The following FREM2 variants were observed in gnomAD, a reference collection of about 807,000 sequenced individuals.
The protein encoded by FREM2 is FRAS1 related extracellular matrix 2.
A neutral mutation model predicts 219.9 loss-of-function variants in FREM2; 119 were observed. The ratio of observed to expected loss-of-function variants is 0.54; its 90% CI spans 0.47 to 0.63. FREM2 has a LOEUF of 0.63. FREM2 is among the 30% of genes least tolerant of loss of function. The pLI is 0.00. For synonymous variants in FREM2, 1,562 were observed against 1,522.8 expected, an observed-to-expected ratio of 1.03 and a Z score of -0.60; for missense variants, 4,030 against 3,993.6, an observed-to-expected ratio of 1.01 and a Z score of -0.25.
chr13:38,687,289 G>T lies in FREM2; in HGVS notation c.-56G>T. On this transcript the variant is annotated 5_prime_UTR_variant, in exon 1 of 24. Coordinates refer to ENST00000280481, the MANE Select transcript of FREM2 (RefSeq NM_207361.6). The stretch of plus-strand genomic sequence containing the variant: ...CGGCGGTGTCTCTTGTTGTCTGCCC[G>T]GGGACCGACTTCGCATGCTCTCAGG... The T allele has an allele frequency of 6.4e-7, 1 of 1,555,058 alleles. No homozygotes were observed. Among genetic ancestry groups the T allele is most frequent in the South Asian group, 1.2e-5 (1 of 84,482 alleles).
chr13:38,845,098 A>G (rs1039740081), intron 6 of FREM2, among the ~76,000 whole-genome samples: 68 of 152,354 alleles, frequency 4.5e-4, no homozygotes, highest in African/African-American at 1.6e-3. Context: ...TGTGAACAAA[A>G]TTTCTAAGGT....
intron 6 of FREM2, among the ~76,000 whole-genome samples, chr13:38,798,457 GA>G (rs1176354404): frequency 2.0e-5 from 3 of 151,994 alleles, no homozygotes; most frequent in African/African-American, 7.2e-5. Flanking sequence ...ATTTGGTTTT[GA>G]AATCAGGGTA....
intron 2 of FREM2, among the ~76,000 whole-genome samples, chr13:38,752,194 C>A (rs1018790546): frequency 1.3e-5 from 2 of 152,060 alleles, no homozygotes; most frequent in Non-Finnish European, 2.9e-5. Flanking sequence ...ATTGTCACTT[C>A]CCACCCTGCT....
intron 15 of FREM2, among the ~76,000 whole-genome samples, chr13:38,862,373 C>T (rs1877794290): frequency 6.6e-6 from 1 of 152,068 alleles, no homozygotes; most frequent in Non-Finnish European, 1.5e-5. Context: ...AATGTTGGTC[C>T]CTGAACCACC....
At position 38,689,969 on chromosome 13, in the gene FREM2, C is replaced by T. The variant is rs778948730; in HGVS notation, c.2625C>T (p.Gly875=). ...SFTLTQAPKH[G]HMRVSGQILH... ...CTCTCACTCAGGCACCCAAACATGG[C>T]CACATGAGAGTGTCTGGACAGATCC... Residue 875 remains glycine (G), a synonymous_variant, in exon 1 of 24, where the codon GGC becomes GGT. Coordinates refer to ENST00000280481, the MANE Select transcript of FREM2 (RefSeq NM_207361.6). 18 of 1,614,010 alleles carry T rather than the reference C, an allele frequency of 1.1e-5. No homozygotes were observed. Among genetic ancestry groups the T allele is most frequent in the Non-Finnish European group, 1.4e-5 (16 of 1,180,038 alleles).
Position 38,749,935 on chromosome 13 carries a change from C to G in FREM2, c.5264-14369C>G, listed in dbSNP as rs143619625. 3.8e-3 allele frequency among the ~76,000 whole-genome samples: 579 copies of G among 152,226 alleles called. 5 individuals carry two copies. Among genetic ancestry groups the G allele is most frequent in the Middle Eastern group, 0.014 (4 of 292 alleles). The stretch of plus-strand genomic sequence containing the variant: ...AATGCCACCTGCATTTTATATTAAC[C>G]AAGTGCAGCAAAACATAGTTTATCT... On this transcript the variant is annotated intron_variant, in intron 2 of 23. Coordinates refer to ENST00000280481, the MANE Select transcript of FREM2 (RefSeq NM_207361.6).
intron 2 of FREM2, among the ~76,000 whole-genome samples, chr13:38,709,052 A>G (rs1481364380): frequency 6.6e-6 from 1 of 152,134 alleles, no homozygotes; most frequent in African/African-American, 2.4e-5. Context: ...AAGCCACCAC[A>G]TCCAGCCTCA....
chr13:38,877,248 C>T lies in FREM2; in HGVS notation c.8671+5C>T. The T allele has an allele frequency of 6.2e-7, 1 of 1,613,844 alleles. No individual in the cohort carries two copies. The highest frequency in any genetic ancestry group is 8.5e-7 in the Non-Finnish European group (1 of 1,179,766). On this transcript the variant is annotated splice_donor_5th_base_variant and intron_variant, in intron 21 of 23. Transcript: ENST00000280481. ...GTGATGTTGCTTTTGCAGAAGGTATCACTTTACAAATGAGAGGGATGCTCT... is the reference window on the plus strand; with the variant it reads ...GTGATGTTGCTTTTGCAGAAGGTATTACTTTACAAATGAGAGGGATGCTCT...
intron 6 of FREM2, among the ~76,000 whole-genome samples, chr13:38,841,820 T>C (rs1876974971): frequency 6.6e-6 from 1 of 152,208 alleles, no homozygotes; most frequent in Non-Finnish European, 1.5e-5. Context: ...TAATTCATTC[T>C]ACAAATATTG....
Position 38,688,829 on chromosome 13 carries a change from G to C in FREM2, c.1485G>C (p.Leu495=). 1 of 1,613,952 alleles carries C rather than the reference G, an allele frequency of 6.2e-7. No individual in the cohort carries two copies. The highest frequency in any genetic ancestry group is 8.5e-7 in the Non-Finnish European group (1 of 1,180,012). Residue 495 remains leucine, a synonymous_variant, in exon 1 of 24, where the codon CTG becomes CTC. Coordinates refer to ENST00000280481, the MANE Select transcript of FREM2 (RefSeq NM_207361.6). ...TCCGGCATGGTCACCTTGTCATTCT[G>C]GGTGCTTCCAGTGGCAGCTCTGCTC... ...AGLRHGHLVI[L]GASSGSSAPK...
At chr13:38,862,794 T>C (rs1877809597) in intron 15 of FREM2, among the ~76,000 whole-genome samples, 1 of 151,540 alleles carries the variant, frequency 6.6e-6, no homozygotes, top group South Asian at 2.1e-4. Flanking sequence ...TTTTAAATGT[T>C]TGGGGAAAAA....
rs1464982741 is a variant in FREM2, at chr13:38,688,613, C to A, written c.1269C>A (p.Asp423Glu). 6.2e-7 allele frequency: 1 copy of A among 1,614,118 alleles called. No homozygotes were observed. The highest frequency in any genetic ancestry group is 1.1e-5 in the South Asian group (1 of 91,074). The change falls in exon 1 of 24, where the codon GAC becomes GAA. Residue 423 changes from aspartate (D) to glutamate (E), a missense_variant. Asp to Glu is a conservative substitution (Grantham distance 45, BLOSUM62 2). This residue lies in a region of FREM2 where 3,102 missense variants were observed against 2,950.7 expected (regional missense o/e 1.05). Coordinates refer to ENST00000280481, the MANE Select transcript of FREM2 (RefSeq NM_207361.6). ...TGGATCTAGAAGGAGCAGCTTCAGA[C>A]CCTTTTGCCTTCATGGTAGTGGTGA... ...EVVDLEGAASDPFAFMVVVKP... is the reference protein window; with the variant it reads ...EVVDLEGAASEPFAFMVVVKP...
chr13:38,699,519 A>AGATT (rs1870256808), intron 2 of FREM2, among the ~76,000 whole-genome samples: 1 of 152,114 alleles, frequency 6.6e-6, no homozygotes, highest in South Asian at 2.1e-4. Flanking sequence ...AGGCCTCCAA[A>AGATT]GATTGTCTTT....
At chr13:38,728,872 G>A (rs1227543757) in intron 2 of FREM2, among the ~76,000 whole-genome samples, 1 of 152,124 alleles carries the variant, frequency 6.6e-6, no homozygotes, top group African/African-American at 2.4e-5. Flanking sequence ...TTTCGCTCCT[G>A]TTGCCCAGGC....
At chr13:38,746,896 G>A (rs1872506917) in intron 2 of FREM2, among the ~76,000 whole-genome samples, 2 of 152,248 alleles carry the variant, frequency 1.3e-5, no homozygotes, top group Middle Eastern at 3.4e-3. Context: ...AACCTTTGGC[G>A]ATTTGGCAGC....
intron 16 of FREM2, among the ~76,000 whole-genome samples, chr13:38,865,419 T>C (rs1290279029): frequency 6.6e-6 from 1 of 152,222 alleles, no homozygotes; most frequent in Admixed American, 6.5e-5. Flanking sequence ...AATGCTATAA[T>C]CTTACCTGGA....
At chr13:38,724,275 A>G (rs1388840414) in intron 2 of FREM2, among the ~76,000 whole-genome samples, 1 of 152,232 alleles carries the variant, frequency 6.6e-6, no homozygotes, top group Non-Finnish European at 1.5e-5. Context: ...CAGGAGCCTA[A>G]TGCATTTTCT....
At position 38,885,372 on chromosome 13, in the gene FREM2, C is replaced by A. The variant is rs1390607087; in HGVS notation, c.*4585C>A. On this transcript the variant is annotated 3_prime_UTR_variant, in exon 24 of 24. Coordinates refer to ENST00000280481, the MANE Select transcript of FREM2 (RefSeq NM_207361.6). The stretch of plus-strand genomic sequence containing the variant: ...GACACTCAGTATCTTTCTTCCCTAT[C>A]TTTCAAGCACATTTAATTTCTTTCC... The A allele has an allele frequency of 1.3e-5, 2 of 152,178 alleles. No individual in the cohort carries two copies. The highest frequency in any genetic ancestry group is 2.4e-5 in the African/African-American group (1 of 41,448). The allele number at this position is 152,178 out of a possible 1,614,324, so 9.4% of individuals were successfully genotyped here.
At chr13:38,758,531 C>T (rs1873103927) in intron 2 of FREM2, among the ~76,000 whole-genome samples, 1 of 152,160 alleles carries the variant, frequency 6.6e-6, no homozygotes, top group African/African-American at 2.4e-5. Context: ...GTGCCATCTC[C>T]CGCAGTTGAA....
Sources: gnomAD v4.1 joint callset for allele counts (sites outside exome capture counted in the v4.1 genomes callset) on GRCh38, gnomAD v4.1.1 for gene constraint, gnomAD v4.1.1 regional missense constraint, MANE v1.5 for transcripts, NCBI Gene and HGNC (gene_info 2026-07-23, HGNC 2026-07-21) for gene names.